Variants in EDRF1 observed in about 807,000 individuals in gnomAD.
EDRF1 encodes the protein erythroid differentiation regulatory factor 1.
EDRF1 carries 69 observed loss-of-function variants against 148.7 expected under a neutral mutation model. That is an observed-to-expected ratio of 0.46 (90% confidence interval 0.38 to 0.57). EDRF1 has a LOEUF of 0.57. EDRF1 is among the 20% of genes least tolerant of loss of function. EDRF1 has a pLI of 0.00. For missense variants in EDRF1, 1,118 were observed against 1,478.7 expected (o/e 0.76, Z 4.00); for synonymous variants, 515 against 532.8 (o/e 0.97, Z 0.46).
chr10:125,729,700 T>G (rs181983753), intron 8 of EDRF1, among the ~76,000 whole-genome samples: 66 of 152,282 alleles, frequency 4.3e-4, no homozygotes, highest in African/African-American at 1.5e-3. Flanking sequence ...CCCCTGCCAG[T>G]TGAAATGGCC....
At chr10:125,724,496 G>A (rs779892381) in intron 4 of EDRF1, among the ~76,000 whole-genome samples, 12 of 152,166 alleles carry the variant, frequency 7.9e-5, no homozygotes, top group African/African-American at 1.2e-4. Context: ...AGGCTATACC[G>A]TATGACCTAG....
chr10:125,719,860 C>T lies in EDRF1; in HGVS notation c.53C>T (p.Ala18Val), dbSNP rs558045330. The change falls in exon 1 of 25, where the codon GCT (alanine) becomes GTT (valine). Residue 18 changes from alanine (A) to valine (V), a missense_variant. By Grantham distance (64) the Ala-to-Val change is moderately conservative. Around this residue, in one of 3 missense-constraint regions of EDRF1, gnomAD observed 65 missense variants for 50.3 expected, o/e 1.29. Transcript: ENST00000356792. ...GAGGGTCCGCCGGCCGGGGCCGCCGCTCGAGGAGGGCTCAGCCTCCTGTCC... is the reference window on the plus strand; with the variant it reads ...GAGGGTCCGCCGGCCGGGGCCGCCGTTCGAGGAGGGCTCAGCCTCCTGTCC... Reference protein sequence around the residue: ...GAEGPPAGAAARGGLSLLSQG... With the variant: ...GAEGPPAGAAVRGGLSLLSQG... 1 of 1,612,982 alleles carries T rather than the reference C, an allele frequency of 6.2e-7. No homozygotes were observed. Among genetic ancestry groups the T allele is most frequent in the Admixed American group, 1.7e-5 (1 of 60,016 alleles).
chr10:125,754,864 A>G (rs938996061), intron 24 of EDRF1, among the ~76,000 whole-genome samples: 4 of 152,340 alleles, frequency 2.6e-5, no homozygotes, highest in Non-Finnish European at 4.4e-5. Context: ...TTACCGATGT[A>G]TAATCTTAGG....
At chr10:125,724,481 G>A (rs924345473) in intron 4 of EDRF1, among the ~76,000 whole-genome samples, 1 of 152,170 alleles carries the variant, frequency 6.6e-6, no homozygotes, top group Non-Finnish European at 1.5e-5. Context: ...TAGCCTGGGA[G>A]CAATAGGCTA....
At chr10:125,739,932 G>A (rs1246991520) in intron 15 of EDRF1, among the ~76,000 whole-genome samples, 1 of 152,160 alleles carries the variant, frequency 6.6e-6, no homozygotes, top group Admixed American at 6.5e-5. Flanking sequence ...TTTAAATAAA[G>A]AGTATTCCTT....
At chr10:125,752,273 C>G (rs7913350) in intron 22 of EDRF1, among the ~76,000 whole-genome samples, 1 of 152,216 alleles carries the variant, frequency 6.6e-6, no homozygotes, top group Non-Finnish European at 1.5e-5. Flanking sequence ...TACTGCACAC[C>G]GCACACAATT....
chr10:125,725,899 C>T, intron 6 of EDRF1, 61 bp downstream of exon 6: 1 of 1,504,512 alleles, frequency 6.6e-7, no homozygotes, highest in Non-Finnish European at 9.0e-7. Flanking sequence ...TTTTTAACAT[C>T]TCGTTAAAAA....
intron 9 of EDRF1, among the ~76,000 whole-genome samples, 167 bp from the exon 10 acceptor site, chr10:125,733,237 T>C (rs116256637): frequency 0.013 from 2,010 of 152,216 alleles, 46 homozygotes; most frequent in African/African-American, 0.046. Flanking sequence ...TGAGATTCCT[T>C]TGGGAGGCTG....
chr10:125,748,142 C>A, intron 21 of EDRF1, 130 bp downstream of exon 21: 2 of 1,083,350 alleles, frequency 1.8e-6, no homozygotes, highest in Non-Finnish European at 2.8e-6. Context: ...CCTAAATTTT[C>A]TGCTGCGTCT....
chr10:125,724,028 T>C, intron 4 of EDRF1, 92 bp downstream of exon 4: 2 of 1,431,278 alleles, frequency 1.4e-6, no homozygotes, highest in South Asian at 2.3e-5. Context: ...AAAGTGGAAA[T>C]GTAGTTGAGT....
intron 3 of EDRF1, 75 bp from the exon 4 acceptor site, chr10:125,723,736 G>T: frequency 6.9e-7 from 1 of 1,446,522 alleles, no homozygotes. Context: ...TAAAATGAAT[G>T]AAGCTAAAAT....
intron 24 of EDRF1, among the ~76,000 whole-genome samples, chr10:125,755,325 C>T (rs1447043616): frequency 6.6e-6 from 1 of 152,202 alleles, no homozygotes; most frequent in Non-Finnish European, 1.5e-5. Flanking sequence ...GTTAAACCAG[C>T]TTTGCATTCC....
chr10:125,753,821 TATCTTCAAC>T lies in EDRF1; in HGVS notation c.3522_3530del (p.Ser1175_Thr1177del). On this transcript the variant is annotated inframe_deletion, in exon 24 of 25. Coordinates refer to ENST00000356792, the MANE Select transcript of EDRF1 (RefSeq NM_001202438.2). ...CTTCTCCTTCAGTCCATTAAACTGCTATCTTCAACTAAAAAGAAAACAAGGTAAATTAAG... is the reference window on the plus strand; with the variant it reads ...CTTCTCCTTCAGTCCATTAAACTGCTTAAAAAGAAAACAAGGTAAATTAAG... 6.2e-7 allele frequency: 1 copy of T among 1,613,260 alleles called. No individual in the cohort carries two copies. Among genetic ancestry groups the T allele is most frequent in the Non-Finnish European group, 8.5e-7 (1 of 1,180,016 alleles).
Position 125,727,985 on chromosome 10 carries a change from C to T in EDRF1, c.793-1018C>T, listed in dbSNP as rs193281769. Among the ~76,000 whole-genome samples the T allele has an allele frequency of 4.2e-3, 644 of 151,916 alleles. 21 individuals carry two copies. The highest frequency in any genetic ancestry group is 3.1e-3 in the East Asian group (16 of 5,164). On this transcript the variant is annotated intron_variant, in intron 6 of 24. Coordinates refer to ENST00000356792, the MANE Select transcript of EDRF1 (RefSeq NM_001202438.2). ...GCCGAGGTGGGTGGATCACTTGAGGCCCGGAGTTAGAGACCAGCCTGGCCA... is the reference window on the plus strand; with the variant it reads ...GCCGAGGTGGGTGGATCACTTGAGGTCCGGAGTTAGAGACCAGCCTGGCCA...
intron 6 of EDRF1, among the ~76,000 whole-genome samples, chr10:125,726,745 C>G (rs533346597): frequency 6.6e-6 from 1 of 152,164 alleles, no homozygotes; most frequent in Admixed American, 6.5e-5. Context: ...AAATTTCTTT[C>G]AAAAGTGAGA....
chr10:125,761,563 A>G (rs879673325), intron 24 of EDRF1, among the ~76,000 whole-genome samples: 11 of 152,210 alleles, frequency 7.2e-5, no homozygotes, highest in Non-Finnish European at 7.3e-5. Flanking sequence ...TAAGATTAGT[A>G]AAAAGGGAGA....
chr10:125,752,663 G>C (rs753102642), intron 22 of EDRF1, 136 bp from the exon 23 acceptor site: 2 of 636,888 alleles, frequency 3.1e-6, no homozygotes, highest in Non-Finnish European at 5.5e-6. Flanking sequence ...AATAGAAGTT[G>C]GATTTAGAAG....
intron 4 of EDRF1, among the ~76,000 whole-genome samples, chr10:125,724,628 C>G (rs138384978): frequency 2.5e-3 from 386 of 152,340 alleles, no homozygotes; most frequent in Non-Finnish European, 4.3e-3. Context: ...TGACACATGG[C>G]TGTAGTTATT....
chr10:125,753,689 T>C lies in EDRF1; in HGVS notation c.3394-5T>C. ...TCGAGTAAAATAACTTTTTGTTGTTTTTAGCCTAAGAGTGGTGACGCCGCT... is the reference window on the plus strand; with the variant it reads ...TCGAGTAAAATAACTTTTTGTTGTTCTTAGCCTAAGAGTGGTGACGCCGCT... On this transcript the variant is annotated splice_region_variant and splice_polypyrimidine_tract_variant and intron_variant, in intron 23 of 24. Transcript: ENST00000356792. 6.2e-7 allele frequency: 1 copy of C among 1,614,140 alleles called. No individual in the cohort carries two copies.
Sources: gnomAD v4.1 joint callset for allele counts (sites outside exome capture counted in the v4.1 genomes callset) on GRCh38, gnomAD v4.1.1 for gene constraint, gnomAD v4.1.1 regional missense constraint, MANE v1.5 for transcripts, NCBI Gene and HGNC (gene_info 2026-07-23, HGNC 2026-07-21) for gene names.